PPM1G: variants seen among roughly 807,000 people sequenced by gnomAD.
The protein encoded by PPM1G is protein phosphatase 1G.
A neutral mutation model predicts 59.4 loss-of-function variants in PPM1G; 12 were observed. The ratio of observed to expected loss-of-function variants is 0.20; its 90% CI spans 0.13 to 0.33. The LOEUF (loss-of-function observed/expected upper bound fraction) is 0.33, where lower values mean the gene tolerates loss of function less well. Among genes scored for constraint, PPM1G ranks in the 10% least tolerant of loss-of-function variants. PPM1G has a pLI of 1.00. For missense variants in PPM1G, 392 were observed against 681.3 expected (o/e 0.58, Z 4.73); for synonymous variants, 245 against 251.9 (o/e 0.97, Z 0.26).
intron 2 of PPM1G, 104 bp from the exon 3 acceptor site, chr2:27,386,383 GATAA>G: frequency 1.2e-6 from 1 of 816,232 alleles, no homozygotes. Flanking sequence ...GGGTTGAGGG[GATAA>G]ATATCTTAGC....
intron 1 of PPM1G, among the ~76,000 whole-genome samples, chr2:27,404,738 T>C (rs1197814337): frequency 1.3e-5 from 2 of 150,346 alleles, no homozygotes; most frequent in African/African-American, 4.9e-5. Context: ...AGGTCAGGAG[T>C]TGGAGACCAA....
At position 27,385,577 on chromosome 2, in the gene PPM1G, TCTCC is replaced by T; in HGVS notation, c.409+166_409+169del. On this transcript the variant is annotated intron_variant, in intron 4 of 9. Coordinates refer to ENST00000344034, the MANE Select transcript of PPM1G (RefSeq NM_177983.3). The surrounding 1 kb of genome is among the most constrained non-coding windows in gnomAD (Gnocchi z 4.1). ...AGATGCCACTCAACGAAGATAATTC[TCTCC>T]CTCCTTTTCATAACCACATACAATG... 1.2e-6 allele frequency: 1 copy of T among 808,228 alleles called. No individual in the cohort carries two copies. The highest frequency in any genetic ancestry group is 1.9e-6 in the Non-Finnish European group (1 of 536,556). The allele number at this position is 808,228 out of a possible 1,614,324, so 50.1% of individuals were successfully genotyped here. A position where few individuals can be genotyped will look rare whatever the true frequency, so the allele number is the denominator to read the frequency against.
chr2:27,400,278 T>C (rs1229391894), intron 1 of PPM1G, among the ~76,000 whole-genome samples: 2 of 152,126 alleles, frequency 1.3e-5, no homozygotes, highest in East Asian at 3.8e-4. Context: ...GGTGGGTACC[T>C]GTAGTCCCAG....
rs562757625 is a variant in PPM1G at position 27,386,135 on chromosome 2, G to C, written c.276+59C>G. 7.5e-5 allele frequency: 111 copies of C among 1,479,342 alleles called. No individual in the cohort carries two copies. In the African/African-American group the frequency reaches 1.4e-3, roughly 19 times the overall value. The allele number at this position is 1,479,342 out of a possible 1,614,324, so 91.6% of individuals were successfully genotyped here. A position where few individuals can be genotyped will look rare whatever the true frequency, so the allele number is the denominator to read the frequency against. ...ACAAAAAGAAAGGAAAAGCCCAAGGGCTAGAGAACAAGGGAAAAGCCTACA... is the reference window on the plus strand; with the variant it reads ...ACAAAAAGAAAGGAAAAGCCCAAGGCCTAGAGAACAAGGGAAAAGCCTACA... On this transcript the variant is annotated intron_variant, in intron 3 of 9. Coordinates refer to ENST00000344034, the MANE Select transcript of PPM1G (RefSeq NM_177983.3).
At chr2:27,392,315 G>C (rs1379895171) in intron 1 of PPM1G, among the ~76,000 whole-genome samples, 1 of 127,362 alleles carries the variant, frequency 7.9e-6, no homozygotes, top group Non-Finnish European at 1.6e-5. Flanking sequence ...TTTTTTGAGA[G>C]AGAGAATGTC....
At chr2:27,404,817 G>A (rs1172857136) in intron 1 of PPM1G, among the ~76,000 whole-genome samples, 3 of 150,242 alleles carry the variant, frequency 2.0e-5, no homozygotes, top group Admixed American at 6.7e-5. Flanking sequence ...GGTGGCAGGC[G>A]CCTGTAATCC....
Position 27,385,319 on chromosome 2 carries a change from C to T in PPM1G, c.410-231G>A, listed in dbSNP as rs945849177. On this transcript the variant is annotated intron_variant, in intron 4 of 9. Coordinates refer to ENST00000344034, the MANE Select transcript of PPM1G (RefSeq NM_177983.3). This position sits in a 1 kb window ranked among gnomAD's most constrained non-coding sequence, Gnocchi z 4.1. ...AATCAAAACAACACTAGTTACTATA[C>T]TTCCCCTCTGACGTCTCATTTTTTA... 4.0e-6 allele frequency: 2 copies of T among 503,076 alleles called. No individual in the cohort carries two copies. The highest frequency in any genetic ancestry group is 3.8e-5 in the Admixed American group (1 of 26,214). 31.2% of individuals were successfully genotyped at this position (503,076 alleles called of 1,614,324 possible). A position where few individuals can be genotyped will look rare whatever the true frequency, so the allele number is the denominator to read the frequency against.
intron 9 of PPM1G, 108 bp from the exon 10 acceptor site, chr2:27,381,913 T>A: frequency 8.4e-7 from 1 of 1,188,702 alleles, no homozygotes; most frequent in East Asian, 2.4e-5. Flanking sequence ...AGGAGAGGAA[T>A]GGGCAAGAGG....
chr2:27,409,486 G>A lies in PPM1G; in HGVS notation c.-64C>T, dbSNP rs984431275. ...GGGCGCGACCCGTGCCGGAGCCGAA[G>A]CCCCGGGGGTGCGCGCGGCAGGAGC... On this transcript the variant is annotated 5_prime_UTR_variant, in exon 1 of 10. Coordinates refer to ENST00000344034, the MANE Select transcript of PPM1G (RefSeq NM_177983.3). 1 of 1,385,662 alleles carries A rather than the reference G, an allele frequency of 7.2e-7. No individual in the cohort carries two copies. Among genetic ancestry groups the A allele is most frequent in the Non-Finnish European group, 9.3e-7 (1 of 1,073,690 alleles). The allele number at this position is 1,385,662 out of a possible 1,614,324, so 85.8% of individuals were successfully genotyped here.
At position 27,384,084 on chromosome 2, in the gene PPM1G, G is replaced by T. The variant is rs372867701; in HGVS notation, c.834C>A (p.Ser278Arg). 2 of 1,613,806 alleles carry T rather than the reference G, an allele frequency of 1.2e-6. No homozygotes were observed. Among genetic ancestry groups the T allele is most frequent in the Middle Eastern group, 1.7e-4 (1 of 6,060 alleles). ...EEEEEDSEEC[S>R]EEEDGYSSEE... ...CACTGCTGTAGCCATCCTCTTCCTC[G>T]CTGCATTCCTGCCAGGGGGAGGATC... The change falls in exon 6 of 10, where the codon AGC becomes AGA. Residue 278 changes from serine (S) to arginine (R), a missense_variant. By Grantham distance (110) the Ser-to-Arg change is moderately radical. Around this residue, in one of 6 missense-constraint regions of PPM1G, gnomAD observed 188 missense variants for 248.8 expected, o/e 0.76. Coordinates refer to ENST00000344034, the MANE Select transcript of PPM1G (RefSeq NM_177983.3). This position sits in a 1 kb window ranked among gnomAD's most constrained non-coding sequence, Gnocchi z 4.8.
At chr2:27,401,260 T>A (rs1429232641) in intron 1 of PPM1G, among the ~76,000 whole-genome samples, 1 of 152,086 alleles carries the variant, frequency 6.6e-6, no homozygotes, top group Admixed American at 6.6e-5. Flanking sequence ...ATACTTGGGG[T>A]GGAGAGTAAT....
intron 1 of PPM1G, among the ~76,000 whole-genome samples, chr2:27,391,371 G>C (rs1683897538): frequency 1.3e-5 from 2 of 152,192 alleles, no homozygotes; most frequent in Non-Finnish European, 2.9e-5. Flanking sequence ...TTTAACAAAA[G>C]CTGTTCTGAC....
intron 1 of PPM1G, among the ~76,000 whole-genome samples, chr2:27,402,713 C>A (rs1186792010): frequency 6.6e-6 from 1 of 151,652 alleles, no homozygotes; most frequent in Non-Finnish European, 1.5e-5. Flanking sequence ...GAGGCTGAGG[C>A]AGGAGAATGG....
intron 1 of PPM1G, among the ~76,000 whole-genome samples, chr2:27,388,337 A>G (rs1220261809): frequency 6.6e-6 from 1 of 151,886 alleles, no homozygotes; most frequent in African/African-American, 2.4e-5. Flanking sequence ...TGAACCCCGG[A>G]GGTGGAAGTT....
At chr2:27,399,644 A>G (rs547862000) in intron 1 of PPM1G, among the ~76,000 whole-genome samples, 16 of 152,290 alleles carry the variant, frequency 1.1e-4, no homozygotes, top group Non-Finnish European at 1.8e-4. Context: ...AAACATCATT[A>G]GCCATTTAGC....
intron 1 of PPM1G, among the ~76,000 whole-genome samples, chr2:27,397,010 C>T (rs1227468847): frequency 6.6e-6 from 1 of 151,990 alleles, no homozygotes; most frequent in African/African-American, 2.4e-5. Flanking sequence ...GCTGAGATTA[C>T]ATGCATGCAC....
At position 27,409,464 on chromosome 2, in the gene PPM1G, C is replaced by T. The variant is rs535593074; in HGVS notation, c.-42G>A. The T allele has an allele frequency of 2.1e-5, 31 of 1,454,180 alleles. No individual in the cohort carries two copies. The East Asian group carries it at 9.0e-4, about 42-fold the overall frequency. 90.1% of individuals were successfully genotyped at this position (1,454,180 alleles called of 1,614,324 possible). A position where few individuals can be genotyped will look rare whatever the true frequency, so the allele number is the denominator to read the frequency against. ...CGGCCTCAGGTGCAGGAAAGCTGGG[C>T]GCGACCCGTGCCGGAGCCGAAGCCC... On this transcript the variant is annotated 5_prime_UTR_variant, in exon 1 of 10. Coordinates refer to ENST00000344034, the MANE Select transcript of PPM1G (RefSeq NM_177983.3).
rs1432054373 is a variant in PPM1G, at chr2:27,385,371, G to T, written c.410-283C>A. Reference sequence around the variant, plus strand: ...TGTTAAGTTGTAAAAACCCTATTCTGGCTGAGGATCCAGGAAGCCCACAAT... The same window carrying T: ...TGTTAAGTTGTAAAAACCCTATTCTTGCTGAGGATCCAGGAAGCCCACAAT... On this transcript the variant is annotated intron_variant, in intron 4 of 9. Coordinates refer to ENST00000344034, the MANE Select transcript of PPM1G (RefSeq NM_177983.3). The surrounding 1 kb of genome is among the most constrained non-coding windows in gnomAD (Gnocchi z 4.1). The T allele has an allele frequency of 2.3e-6, 1 of 428,472 alleles. No individual in the cohort carries two copies. The highest frequency in any genetic ancestry group is 4.1e-5 in the Admixed American group (1 of 24,596). 26.5% of individuals were successfully genotyped at this position (428,472 alleles called of 1,614,324 possible).
rs1389369732 is a variant in PPM1G at position 27,392,486 on chromosome 2, G to C, written c.121-5328C>G. 2.0e-5 allele frequency among the ~76,000 whole-genome samples: 3 copies of C among 151,322 alleles called. No individual in the cohort carries two copies. In the Admixed American group the frequency reaches 2.0e-4, roughly 10 times the overall value. ...GTTTTTATATTTTTAGTAGACACGG[G>C]GTTTCACCATGTTGCCCAGGCTGGT... is the stretch of plus-strand genomic sequence containing the variant. On this transcript the variant is annotated intron_variant, in intron 1 of 9. Transcript: ENST00000344034.
Sources: gnomAD v4.1 joint callset for allele counts (sites outside exome capture counted in the v4.1 genomes callset) on GRCh38, gnomAD v4.1.1 for gene constraint, gnomAD v4.1.1 regional missense constraint, Gnocchi (gnomAD v3.1) non-coding constraint, MANE v1.5 for transcripts, NCBI Gene and HGNC (gene_info 2026-07-23, HGNC 2026-07-21) for gene names.